SYT17: variants seen among roughly 807,000 people sequenced by gnomAD.
SYT17 encodes the protein synaptotagmin 17, also known as synaptotagmin-17.
SYT17 carries 22 observed loss-of-function variants against 46.7 expected under a neutral mutation model. The ratio of observed to expected loss-of-function variants is 0.47; its 90% CI spans 0.34 to 0.67. SYT17 has a LOEUF of 0.67. Ranked by LOEUF, SYT17 falls within the 30% of genes least tolerant of loss-of-function variation. The pLI is 0.01. For missense variants in SYT17, 519 were observed against 612.8 expected, an observed-to-expected ratio of 0.85 and a Z score of 1.62; for synonymous variants, 251 against 248.4, an observed-to-expected ratio of 1.01 and a Z score of -0.10.
chr16:19,205,285 C>T (rs1226229783), intron 5 of SYT17, among the ~76,000 whole-genome samples: 1 of 152,158 alleles, frequency 6.6e-6, no homozygotes, highest in African/African-American at 2.4e-5. Context: ...TCGGCCACAT[C>T]AACTTTGCTG....
chr16:19,178,458 A>AT (rs1964409959), intron 3 of SYT17, among the ~76,000 whole-genome samples: 1 of 150,746 alleles, frequency 6.6e-6, no homozygotes. Flanking sequence ...CGTCAGGTTA[A>AT]TTTTTGTACT....
At chr16:19,257,578 G>A (rs1177105286) in intron 7 of SYT17, among the ~76,000 whole-genome samples, 1 of 152,146 alleles carries the variant, frequency 6.6e-6, no homozygotes, top group African/African-American at 2.4e-5. Flanking sequence ...GGCCTGTGTA[G>A]ACTGCGTTAT....
rs773486473 is a variant in SYT17 at position 19,266,994 on chromosome 16, G to A, written c.1343G>A (p.Arg448His). The part of the protein sequence containing the change: ...NHWRRMLNTH[R>H]TAVEQWHSLR... The stretch of plus-strand genomic sequence containing the variant: ...TGGAGGCGCATGCTCAACACGCACC[G>A]CACAGCCGTGGAGCAGTGGCATAGC... Residue 448 changes from arginine to histidine, a missense_variant, in exon 8 of 8, where the codon CGC becomes CAC. Physicochemically the swap from Arg to His is conservative, Grantham distance 29 (BLOSUM62 0). Coordinates refer to ENST00000355377, the MANE Select transcript of SYT17 (RefSeq NM_016524.4). 2.2e-5 allele frequency: 36 copies of A among 1,613,248 alleles called. No homozygotes were observed. The highest frequency in any genetic ancestry group is 3.3e-5 in the South Asian group (3 of 91,018).
At chr16:19,197,245 C>T (rs1027297029) in intron 5 of SYT17, among the ~76,000 whole-genome samples, 13 of 152,224 alleles carry the variant, frequency 8.5e-5, no homozygotes, top group African/African-American at 2.9e-4. Context: ...TGGGCCCAGG[C>T]CAGCGTCTTA....
At chr16:19,196,861 T>A (rs1965266750) in intron 5 of SYT17, among the ~76,000 whole-genome samples, 1 of 152,228 alleles carries the variant, frequency 6.6e-6, no homozygotes, top group Non-Finnish European at 1.5e-5. Context: ...CTGGGACTTT[T>A]TTTTAAGCCA....
At chr16:19,246,096 G>C (rs147795048) in intron 7 of SYT17, among the ~76,000 whole-genome samples, 4,150 of 151,572 alleles carry the variant, frequency 0.027, 269 homozygotes, top group East Asian at 0.21. Flanking sequence ...ACCTCTGCCT[G>C]CTGGGTTCAA....
Position 19,203,988 on chromosome 16 carries a change from G to A in SYT17, c.952-19057G>A, listed in dbSNP as rs111758361. On this transcript the variant is annotated intron_variant, in intron 5 of 7. Coordinates refer to ENST00000355377, the MANE Select transcript of SYT17 (RefSeq NM_016524.4). ...CTCAGGCCAGGCCATGGATCTTAGC[G>A]CTTATCCTGAGGGGGATGGGAGCCG... Among the ~76,000 whole-genome samples the A allele has an allele frequency of 3.3e-3, 501 of 152,302 alleles. 3 individuals carry two copies. Among genetic ancestry groups the A allele is most frequent in the African/African-American group, 0.011 (463 of 41,560 alleles).
At chr16:19,221,628 A>T (rs891664192) in intron 5 of SYT17, among the ~76,000 whole-genome samples, 1 of 152,128 alleles carries the variant, frequency 6.6e-6, no homozygotes, top group African/African-American at 2.4e-5. Context: ...CTGTCAGTAG[A>T]TGTTTATTGA....
chr16:19,266,511 A>G (rs929355426), intron 7 of SYT17, among the ~76,000 whole-genome samples: 5 of 152,218 alleles, frequency 3.3e-5, no homozygotes, highest in Admixed American at 2.0e-4. Flanking sequence ...CACTAGAACT[A>G]TCCACTTACA....
At chr16:19,182,305 C>T (rs913236839) in intron 4 of SYT17, among the ~76,000 whole-genome samples, 2 of 151,974 alleles carry the variant, frequency 1.3e-5, no homozygotes, top group African/African-American at 4.8e-5. Flanking sequence ...GTCCCAGCTA[C>T]TTGAGAGGCT....
chr16:19,168,585 G>C lies in SYT17; in HGVS notation c.-62G>C. 6.5e-7 allele frequency: 1 copy of C among 1,542,600 alleles called. No individual in the cohort carries two copies. On this transcript the variant is annotated 5_prime_UTR_variant, in exon 1 of 8. Coordinates refer to ENST00000355377, the MANE Select transcript of SYT17 (RefSeq NM_016524.4). The surrounding 1 kb of genome is among the most constrained non-coding windows in gnomAD (Gnocchi z 6.9). ...TTGCTTTCTTCCCCCTCCGCTGTTGGCGAGGGCAAAGTGGCCGTGGCGGCG... is the reference window on the plus strand; with the variant it reads ...TTGCTTTCTTCCCCCTCCGCTGTTGCCGAGGGCAAAGTGGCCGTGGCGGCG...
chr16:19,232,062 T>C (rs1966715660), intron 7 of SYT17, among the ~76,000 whole-genome samples: 1 of 152,086 alleles, frequency 6.6e-6, no homozygotes, highest in Admixed American at 6.5e-5. Flanking sequence ...TCGGCCGGGC[T>C]CCCGCCCCGG....
chr16:19,198,519 G>T (rs1300881694), intron 5 of SYT17, among the ~76,000 whole-genome samples: 4 of 152,154 alleles, frequency 2.6e-5, no homozygotes, highest in South Asian at 4.1e-4. Flanking sequence ...TGTTCTAAGG[G>T]CTTTCATTTC....
intron 7 of SYT17, among the ~76,000 whole-genome samples, chr16:19,238,727 T>C (rs1010172407): frequency 6.6e-6 from 1 of 152,070 alleles, no homozygotes; most frequent in East Asian, 1.9e-4. Flanking sequence ...CAACCACATA[T>C]GTGCCTGCAG....
rs1195407365 is a variant in SYT17 at position 19,168,986 on chromosome 16, G to A, written c.15+325G>A. The stretch of plus-strand genomic sequence containing the variant: ...TCCTTGGCACCCCACCCCAGGGGAG[G>A]GGCCGTGGGGAGGGCGGCCCGGGGC... On this transcript the variant is annotated intron_variant, in intron 1 of 7. Coordinates refer to ENST00000355377, the MANE Select transcript of SYT17 (RefSeq NM_016524.4). The surrounding 1 kb of genome is among the most constrained non-coding windows in gnomAD (Gnocchi z 6.9). Among the ~76,000 whole-genome samples, 1 of 151,434 alleles carries A rather than the reference G, an allele frequency of 6.6e-6. No homozygotes were observed. The highest frequency in any genetic ancestry group is 1.5e-5 in the Non-Finnish European group (1 of 67,748).
intron 7 of SYT17, among the ~76,000 whole-genome samples, chr16:19,238,794 T>C (rs1032836770): frequency 2.6e-5 from 4 of 152,226 alleles, no homozygotes; most frequent in African/African-American, 9.6e-5. Flanking sequence ...GCTTTGTGCC[T>C]CGGTGGTGGC....
intron 7 of SYT17, among the ~76,000 whole-genome samples, chr16:19,261,020 T>C (rs1023688402): frequency 1.3e-5 from 2 of 151,726 alleles, no homozygotes; most frequent in Non-Finnish European, 2.9e-5. Context: ...TAAAAAAAAA[T>C]TGTAGAAAGA....
intron 5 of SYT17, among the ~76,000 whole-genome samples, chr16:19,206,283 C>T (rs1053942109): frequency 2.0e-5 from 3 of 152,082 alleles, no homozygotes; most frequent in Non-Finnish European, 2.9e-5. Flanking sequence ...TGTGAACAAA[C>T]GGAAACATTT....
intron 5 of SYT17, among the ~76,000 whole-genome samples, chr16:19,201,555 C>G (rs1028094390): frequency 5.3e-5 from 8 of 151,682 alleles, no homozygotes; most frequent in African/African-American, 1.9e-4. Context: ...ACAGATATCT[C>G]TTCTGTGGCC....
Sources: gnomAD v4.1 joint callset for allele counts (sites outside exome capture counted in the v4.1 genomes callset) on GRCh38, gnomAD v4.1.1 for gene constraint, Gnocchi (gnomAD v3.1) non-coding constraint, MANE v1.5 for transcripts, NCBI Gene and HGNC (gene_info 2026-07-23, HGNC 2026-07-21) for gene names.